Variants in ARL15 observed in about 807,000 individuals in gnomAD.
The protein encoded by ARL15 is ADP-ribosylation factor-like protein 15.
Under a neutral mutation model 25.2 loss-of-function variants are expected in ARL15, and 19 were observed. The observed-to-expected ratio is 0.75, with a 90% CI of 0.53 to 1.10. The LOEUF (loss-of-function observed/expected upper bound fraction) is 1.10. Among genes scored for constraint, ARL15 ranks in the 50% least tolerant of loss-of-function variants. The pLI, the probability that ARL15 is intolerant of heterozygous loss-of-function variation, is 0.00. For missense variants in ARL15, 220 were observed against 246.0 expected, an observed-to-expected ratio of 0.89 and a Z score of 0.71; for synonymous variants, 94 against 86.8, an observed-to-expected ratio of 1.08 and a Z score of -0.46.
chr5:53,968,528 T>C (rs1747637237), intron 4 of ARL15, among the ~76,000 whole-genome samples: 1 of 152,146 alleles, frequency 6.6e-6, no homozygotes, highest in South Asian at 2.1e-4. Flanking sequence ...TTAGATGTAA[T>C]TTCAACTATC....
chr5:53,997,874 T>C (rs1037685839), intron 4 of ARL15, among the ~76,000 whole-genome samples: 2 of 152,124 alleles, frequency 1.3e-5, no homozygotes, highest in Non-Finnish European at 2.9e-5. Flanking sequence ...CTGAGTCCTT[T>C]AAAAAGAGCC....
At chr5:53,892,240 A>T (rs900531896) in intron 4 of ARL15, among the ~76,000 whole-genome samples, 1 of 152,250 alleles carries the variant, frequency 6.6e-6, no homozygotes, top group Non-Finnish European at 1.5e-5. Context: ...ATAAAGGCAC[A>T]TTCTCCATCT....
chr5:54,086,589 A>G lies in ARL15; in HGVS notation c.462+26613T>C, dbSNP rs992956407. Among the ~76,000 whole-genome samples, 28 of 152,306 alleles carry G rather than the reference A, an allele frequency of 1.8e-4. 1 individual carries two copies. Among genetic ancestry groups the G allele is most frequent in the Admixed American group, 1.6e-3 (24 of 15,300 alleles). ...AATGTATTTTATGATCTCTCCAGAT[A>G]GAATAGGAGGGAAAAATGAGAATAT... is the stretch of plus-strand genomic sequence containing the variant. On this transcript the variant is annotated intron_variant, in intron 4 of 4. Transcript: ENST00000504924.
At chr5:54,206,323 G>C (rs1343725722) in intron 1 of ARL15, among the ~76,000 whole-genome samples, 1 of 152,086 alleles carries the variant, frequency 6.6e-6, no homozygotes, top group Non-Finnish European at 1.5e-5. Flanking sequence ...GTGCCAAGAG[G>C]TAGATATTTA....
chr5:53,997,768 C>T lies in ARL15; in HGVS notation c.463-111055G>A, dbSNP rs147221938. On this transcript the variant is annotated intron_variant, in intron 4 of 4. Transcript: ENST00000504924. ...TCTGTTTCTCTAATTATGCTAAGTACAATTTTATTTTAAAAAGAAAATAAA... is the reference window on the plus strand; with the variant it reads ...TCTGTTTCTCTAATTATGCTAAGTATAATTTTATTTTAAAAAGAAAATAAA... Among the ~76,000 whole-genome samples, 151 of 152,000 alleles carry T rather than the reference C, an allele frequency of 9.9e-4. 1 individual carries two copies. The highest frequency in any genetic ancestry group is 3.4e-3 in the African/African-American group (140 of 41,454).
At chr5:54,023,605 A>G (rs1749684880) in intron 4 of ARL15, among the ~76,000 whole-genome samples, 1 of 151,984 alleles carries the variant, frequency 6.6e-6, no homozygotes, top group Non-Finnish European at 1.5e-5. Flanking sequence ...ACACCAAAAT[A>G]TGGCGCTTTG....
rs16881971 is a variant in ARL15 at position 54,005,377 on chromosome 5, T to G, written c.462+107825A>C. ...CCAGTCTGTCCCCCAGGTGACTGTA[T>G]TTATAATGGTAGAGCATATAATATT... On this transcript the variant is annotated intron_variant, in intron 4 of 4. Transcript: ENST00000504924. Among the ~76,000 whole-genome samples the G allele has an allele frequency of 7.9e-5, 12 of 152,076 alleles. No homozygotes were observed. In the East Asian group the frequency reaches 2.3e-3, roughly 30 times the overall value.
At chr5:53,899,347 C>CAAAAA (rs59145507) in intron 4 of ARL15, among the ~76,000 whole-genome samples, 160 of 89,346 alleles carry the variant, frequency 1.8e-3, no homozygotes, top group East Asian at 5.5e-3. Context: ...GACTCTATCC[C>CAAAAA]AAAAAAAAAA....
intron 4 of ARL15, among the ~76,000 whole-genome samples, chr5:54,012,356 T>G (rs1749272735): frequency 6.6e-6 from 1 of 152,162 alleles, no homozygotes; most frequent in Admixed American, 6.5e-5. Flanking sequence ...ATGCATCCCA[T>G]GAAGTCTCTC....
intron 4 of ARL15, among the ~76,000 whole-genome samples, chr5:54,018,449 G>A (rs1247315891): frequency 6.6e-6 from 1 of 152,122 alleles, no homozygotes; most frequent in Non-Finnish European, 1.5e-5. Flanking sequence ...TCAGACTTAA[G>A]CCATTACTTT....
chr5:54,067,525 A>C (rs1403935009), intron 4 of ARL15, among the ~76,000 whole-genome samples: 9 of 152,212 alleles, frequency 5.9e-5, no homozygotes, highest in Non-Finnish European at 1.3e-4. Context: ...TCAGAATAAA[A>C]ATATGTACAG....
chr5:54,105,702 C>T (rs1203607383), intron 4 of ARL15, among the ~76,000 whole-genome samples: 4 of 152,102 alleles, frequency 2.6e-5, no homozygotes, highest in African/African-American at 4.8e-5. Flanking sequence ...CCTGCCTCAG[C>T]CTCCCAAGTA....
At chr5:54,092,359 A>G (rs1287955407) in intron 4 of ARL15, among the ~76,000 whole-genome samples, 1 of 152,234 alleles carries the variant, frequency 6.6e-6, no homozygotes, top group East Asian at 1.9e-4. Flanking sequence ...CATATTGAAT[A>G]TAAGAATAAA....
chr5:53,979,893 T>C (rs539539433), intron 4 of ARL15, among the ~76,000 whole-genome samples: 6 of 149,308 alleles, frequency 4.0e-5, no homozygotes, highest in Admixed American at 2.7e-4. Context: ...TTCGTAGAGA[T>C]GGGGTTTCAC....
chr5:53,903,737 C>T (rs1745146087), intron 4 of ARL15, among the ~76,000 whole-genome samples: 1 of 152,166 alleles, frequency 6.6e-6, no homozygotes, highest in African/African-American at 2.4e-5. Flanking sequence ...ATTCTCTGTG[C>T]TTCTTTCTGG....
At chr5:54,148,542 G>T (rs1202997283) in intron 3 of ARL15, among the ~76,000 whole-genome samples, 1 of 152,106 alleles carries the variant, frequency 6.6e-6, no homozygotes, top group African/African-American at 2.4e-5. Context: ...AAATTAAAAT[G>T]AAAATGCAAA....
chr5:54,294,579 T>C (rs1031100185), intron 1 of ARL15, among the ~76,000 whole-genome samples: 3 of 152,192 alleles, frequency 2.0e-5, no homozygotes, highest in Non-Finnish European at 1.5e-5. Flanking sequence ...TAGAATACTT[T>C]AAAACCTGAC....
At chr5:54,259,499 T>C (rs1026444524) in intron 1 of ARL15, among the ~76,000 whole-genome samples, 1 of 152,176 alleles carries the variant, frequency 6.6e-6, no homozygotes, top group African/African-American at 2.4e-5. Flanking sequence ...CTGAAACTAG[T>C]TGAAATTCCC....
Position 54,138,552 on chromosome 5 carries a change from G to A in ARL15, c.253+16028C>T, listed in dbSNP as rs148626450. Among the ~76,000 whole-genome samples, 321 of 152,160 alleles carry A rather than the reference G, an allele frequency of 2.1e-3. 2 individuals are homozygous for A. The highest frequency in any genetic ancestry group is 7.3e-3 in the African/African-American group (304 of 41,514). ...GGATCCAGACATAAATCTAAGACCA[G>A]AATCTGTAAGAATTCTAGAAGAAAA... On this transcript the variant is annotated intron_variant, in intron 3 of 4. Transcript: ENST00000504924.
Sources: allele counts gnomAD v4.1 joint callset (sites outside exome capture counted in the v4.1 genomes callset), GRCh38; gene constraint gnomAD v4.1.1; transcripts MANE v1.5; gene names NCBI Gene and HGNC (gene_info 2026-07-23, HGNC 2026-07-21).